Variants in IL1RAPL2 observed in about 807,000 individuals in gnomAD.
The protein encoded by IL1RAPL2 is interleukin 1 receptor accessory protein like 2, also known as X-linked interleukin-1 receptor accessory protein-like 2.
In IL1RAPL2, 3 loss-of-function variants were observed where a neutral mutation model predicts 44.1. The ratio of observed to expected loss-of-function variants is 0.07; its 90% CI spans 0.03 to 0.18. IL1RAPL2 has a LOEUF of 0.18. Among genes scored for constraint, IL1RAPL2 ranks in the 10% least tolerant of loss-of-function variants. The pLI is 1.00. For missense variants in IL1RAPL2, 391 were observed against 496.4 expected (o/e 0.79, Z 2.02); for synonymous variants, 181 against 178.8 (o/e 1.01, Z -0.10).
At chrX:105,010,872 C>G (rs1265864591) in intron 2 of IL1RAPL2, among the ~76,000 whole-genome samples, 1 of 111,394 alleles carries the variant, frequency 9.0e-6, no homozygotes, top group Non-Finnish European at 1.9e-5. Context: ...TTAAAAAAAT[C>G]TCAATTTATT....
Position 105,335,811 on chromosome X carries a change from C to T in IL1RAPL2, c.697+68270C>T, listed in dbSNP as rs377033975. On this transcript the variant is annotated intron_variant, in intron 5 of 10. Transcript: ENST00000372582. Reference sequence around the variant, plus strand: ...AATAGAGGATTCCACCTAGAAAGCACAAACTAAGCTTTAATATTGTCTTTC... The same window carrying T: ...AATAGAGGATTCCACCTAGAAAGCATAAACTAAGCTTTAATATTGTCTTTC... Among the ~76,000 whole-genome samples, 61 of 111,564 alleles carry T rather than the reference C, an allele frequency of 5.5e-4. 4 individuals are homozygous for T. The East Asian group carries it at 7.3e-3, about 13-fold the overall frequency.
At chrX:105,587,745 T>C in intron 6 of IL1RAPL2, among the ~76,000 whole-genome samples, 1 of 112,009 alleles carries the variant, frequency 8.9e-6, no homozygotes, top group South Asian at 3.7e-4. Context: ...ATATGTTTTT[T>C]AAAAATTTCC....
intron 2 of IL1RAPL2, among the ~76,000 whole-genome samples, chrX:104,882,148 A>G (rs1427086499): frequency 1.1e-4 from 12 of 112,027 alleles, no homozygotes; most frequent in African/African-American, 3.9e-4. Flanking sequence ...AAATATGCTT[A>G]CAGAAATGTG....
intron 5 of IL1RAPL2, among the ~76,000 whole-genome samples, chrX:105,407,523 T>G (rs1431222074): frequency 8.9e-6 from 1 of 111,892 alleles, no homozygotes; most frequent in Non-Finnish European, 1.9e-5. Context: ...TTGTTCAGGT[T>G]TATAAATAGC....
intron 9 of IL1RAPL2, among the ~76,000 whole-genome samples, chrX:105,749,332 G>C (rs1332238307): frequency 6.3e-5 from 7 of 111,686 alleles, no homozygotes; most frequent in African/African-American, 2.3e-4. Context: ...TTTTTGAAAT[G>C]GTTTTATTTT....
chrX:105,079,934 C>A (rs1003143678), intron 2 of IL1RAPL2, among the ~76,000 whole-genome samples: 1 of 112,122 alleles, frequency 8.9e-6, no homozygotes, highest in Non-Finnish European at 1.9e-5. Context: ...TTTGGATTTA[C>A]ATTTCTCTAA....
At chrX:105,105,326 A>C (rs547529997) in intron 2 of IL1RAPL2, among the ~76,000 whole-genome samples, 1 of 111,926 alleles carries the variant, frequency 8.9e-6, no homozygotes, top group South Asian at 3.7e-4. Context: ...CATAGATGCT[A>C]TTATTATCCC....
In IL1RAPL2 at chrX:104,901,199, C is replaced by CT. The variant is rs1194148816; in HGVS notation, c.82+242233dup. On this transcript the variant is annotated intron_variant, in intron 2 of 10. Transcript: ENST00000372582. ...AGGAGTTGGTTGCTTTCTTTTGCTT[C>CT]TTTTTTTTTTTTTTTTTTTTTTTTT... is the stretch of plus-strand genomic sequence containing the variant. Among the ~76,000 whole-genome samples the CT allele has an allele frequency of 7.2e-3, 232 of 32,107 alleles. 33 individuals are homozygous for CT. Among genetic ancestry groups the CT allele is most frequent in the African/African-American group, 0.024 (180 of 7,441 alleles). The allele number at this position is 32,107 out of a possible 115,157, so 27.9% of individuals were successfully genotyped here.
At chrX:104,890,805 A>T (rs767937964) in intron 2 of IL1RAPL2, among the ~76,000 whole-genome samples, 21 of 111,848 alleles carry the variant, frequency 1.9e-4, no homozygotes, top group African/African-American at 5.5e-4. Flanking sequence ...TAGTTTAATT[A>T]GATCCCATTT....
At chrX:105,742,299 G>A (rs1417332601) in intron 8 of IL1RAPL2, among the ~76,000 whole-genome samples, 1 of 111,240 alleles carries the variant, frequency 9.0e-6, no homozygotes, top group Non-Finnish European at 1.9e-5. Flanking sequence ...CTCTTTGGAG[G>A]AGTGAGAATG....
intron 2 of IL1RAPL2, among the ~76,000 whole-genome samples, chrX:104,797,441 A>G (rs1932857875): frequency 1.8e-5 from 2 of 111,148 alleles, no homozygotes; most frequent in Admixed American, 9.6e-5. Context: ...TGTTTTCAGA[A>G]AAGGGCTTCT....
intron 1 of IL1RAPL2, among the ~76,000 whole-genome samples, chrX:104,636,919 C>A (rs1468799241): frequency 9.0e-6 from 1 of 111,624 alleles, no homozygotes; most frequent in Non-Finnish European, 1.9e-5. Flanking sequence ...AGAAATCTCC[C>A]CTCTTCTGCG....
chrX:104,702,233 C>T (rs770388861), intron 2 of IL1RAPL2, among the ~76,000 whole-genome samples: 1 of 111,196 alleles, frequency 9.0e-6, no homozygotes. Flanking sequence ...TTTGTTTTGT[C>T]ACATTATATA....
intron 1 of IL1RAPL2, among the ~76,000 whole-genome samples, chrX:104,618,954 C>T (rs754403435): frequency 8.9e-6 from 1 of 111,856 alleles, no homozygotes; most frequent in Admixed American, 9.4e-5. Flanking sequence ...AGGGGGAAAG[C>T]TGGAGCACCC....
chrX:105,503,849 C>A (rs889405420), intron 6 of IL1RAPL2, among the ~76,000 whole-genome samples: 1 of 111,806 alleles, frequency 8.9e-6, no homozygotes, highest in African/African-American at 3.2e-5. Flanking sequence ...AGATCTTCGT[C>A]ATCACATGGC....
chrX:104,996,909 G>C, intron 2 of IL1RAPL2, among the ~76,000 whole-genome samples: 1 of 111,275 alleles, frequency 9.0e-6, no homozygotes, highest in Non-Finnish European at 1.9e-5. Flanking sequence ...TGAGTATTCG[G>C]GAACCAACAT....
intron 2 of IL1RAPL2, among the ~76,000 whole-genome samples, chrX:105,167,351 G>A (rs908928954): frequency 2.7e-5 from 3 of 112,534 alleles, no homozygotes; most frequent in African/African-American, 9.7e-5. Flanking sequence ...TATGGGCTGA[G>A]ATGAGATTTT....
intron 6 of IL1RAPL2, among the ~76,000 whole-genome samples, chrX:105,663,787 T>C (rs2037737561): frequency 8.9e-6 from 1 of 111,922 alleles, no homozygotes; most frequent in African/African-American, 3.2e-5. Flanking sequence ...TTATGTACGA[T>C]AGATTGAGGT....
intron 2 of IL1RAPL2, among the ~76,000 whole-genome samples, chrX:104,718,996 G>C (rs1009290229): frequency 8.9e-6 from 1 of 112,000 alleles, no homozygotes; most frequent in African/African-American, 3.2e-5. Flanking sequence ...GTGGGTTGTA[G>C]TTTCTGACTC....
Sources: gnomAD v4.1 joint callset for allele counts (sites outside exome capture counted in the v4.1 genomes callset) on GRCh38, gnomAD v4.1.1 for gene constraint, MANE v1.5 for transcripts, NCBI Gene and HGNC (gene_info 2026-07-23, HGNC 2026-07-21) for gene names.